PCDH7: variants seen among roughly 807,000 people sequenced by gnomAD.
PCDH7 encodes protocadherin-7.
A neutral mutation model predicts 58.9 loss-of-function variants in PCDH7; 17 were observed. The observed-to-expected ratio is 0.29, with a 90% CI of 0.20 to 0.43. The LOEUF is 0.43. Ranked by LOEUF, PCDH7 falls within the 20% of genes least tolerant of loss-of-function variation. The pLI is 1.00. For missense variants in PCDH7, 1,274 were observed against 1,441.0 expected (o/e 0.88, Z 1.88); for synonymous variants, 664 against 616.4 (o/e 1.08, Z -1.14).
chr4:30,986,607 A>G (rs907757398), intron 3 of PCDH7, among the ~76,000 whole-genome samples: 3 of 152,126 alleles, frequency 2.0e-5, no homozygotes, highest in South Asian at 2.1e-4. Context: ...TGGTTGAACA[A>G]TGACAAAGGT....
At chr4:30,854,657 A>G (rs1299404216) in intron 1 of PCDH7, among the ~76,000 whole-genome samples, 1 of 151,974 alleles carries the variant, frequency 6.6e-6, no homozygotes, top group Admixed American at 6.6e-5. Context: ...ATATGAAAAA[A>G]GGGTTTAAAA....
At chr4:30,730,442 T>G (rs1176541885) in intron 1 of PCDH7, among the ~76,000 whole-genome samples, 1 of 152,164 alleles carries the variant, frequency 6.6e-6, no homozygotes, top group Non-Finnish European at 1.5e-5. Flanking sequence ...ATCTTAATTA[T>G]CACTTCTGGT....
intron 3 of PCDH7, among the ~76,000 whole-genome samples, chr4:30,974,241 T>TC (rs1560546247): frequency 3.1e-5 from 4 of 127,182 alleles, no homozygotes; most frequent in African/African-American, 1.0e-4. Context: ...TCTTTTTCTT[T>TC]CTTTCTTCCT....
intron 3 of PCDH7, among the ~76,000 whole-genome samples, chr4:31,079,540 C>T (rs1759325343): frequency 6.6e-6 from 1 of 150,612 alleles, no homozygotes; most frequent in African/African-American, 2.4e-5. Context: ...GCACGTAATA[C>T]CAAGTATATG....
At chr4:30,865,956 C>T (rs1187797193) in intron 1 of PCDH7, among the ~76,000 whole-genome samples, 1 of 152,024 alleles carries the variant, frequency 6.6e-6, no homozygotes, top group Non-Finnish European at 1.5e-5. Context: ...GGGCATACTT[C>T]CGTGGAGTGG....
At chr4:31,073,698 A>G (rs1758747725) in intron 3 of PCDH7, among the ~76,000 whole-genome samples, 1 of 152,196 alleles carries the variant, frequency 6.6e-6, no homozygotes, top group South Asian at 2.1e-4. Context: ...AATGATGTAT[A>G]ATCATTACAT....
chr4:30,888,073 A>C (rs924428130), intron 1 of PCDH7, among the ~76,000 whole-genome samples: 2 of 152,002 alleles, frequency 1.3e-5, no homozygotes, highest in African/African-American at 4.8e-5. Flanking sequence ...ACGGGGTTTC[A>C]CCATGTTGGT....
intron 3 of PCDH7, among the ~76,000 whole-genome samples, chr4:30,965,508 A>C (rs1243119824): frequency 6.6e-6 from 1 of 151,958 alleles, no homozygotes; most frequent in Non-Finnish European, 1.5e-5. Flanking sequence ...CTTTTTCTTC[A>C]AGCTTTTCCC....
In PCDH7 at chr4:31,056,638, G is replaced by A. The variant is rs141956701; in HGVS notation, c.*8-85835G>A. Reference sequence around the variant, plus strand: ...GAGTGAAAGACAGAGAGAGAGAGGAGAGAGAGAGAGAAAGAGAGAGAGGAG... The same window carrying A: ...GAGTGAAAGACAGAGAGAGAGAGGAAAGAGAGAGAGAAAGAGAGAGAGGAG... On this transcript the variant is annotated intron_variant, in intron 3 of 3. Coordinates refer to the PCDH7 transcript ENST00000509759. 1.3e-4 allele frequency among the ~76,000 whole-genome samples: 19 copies of A among 148,256 alleles called. No individual in the cohort carries two copies. The East Asian group carries it at 3.9e-3, about 30-fold the overall frequency.
intron 3 of PCDH7, among the ~76,000 whole-genome samples, chr4:31,031,775 T>G (rs924146114): frequency 6.6e-6 from 1 of 152,218 alleles, no homozygotes; most frequent in East Asian, 1.9e-4. Context: ...ACTAACTCTT[T>G]AGAAGAATAT....
intron 2 of PCDH7, among the ~76,000 whole-genome samples, chr4:30,939,791 A>G (rs1230914529): frequency 6.6e-6 from 1 of 152,100 alleles, no homozygotes; most frequent in Non-Finnish European, 1.5e-5. Context: ...TGCCTTTGAC[A>G]TTTCTAATCA....
intron 1 of PCDH7, among the ~76,000 whole-genome samples, chr4:30,801,595 C>T (rs1307775889): frequency 6.6e-6 from 1 of 152,114 alleles, no homozygotes; most frequent in Non-Finnish European, 1.5e-5. Context: ...AGATATTACA[C>T]AAATTATCTT....
At chr4:30,805,386 T>C (rs942450808) in intron 1 of PCDH7, among the ~76,000 whole-genome samples, 4 of 152,204 alleles carry the variant, frequency 2.6e-5, no homozygotes, top group Admixed American at 2.0e-4. Context: ...GTCTGTACTT[T>C]AGTTTTCTCA....
chr4:31,067,426 G>T (rs1409132021), intron 3 of PCDH7, among the ~76,000 whole-genome samples: 1 of 148,034 alleles, frequency 6.8e-6, no homozygotes, highest in African/African-American at 2.5e-5. Flanking sequence ...CAGTATTTTA[G>T]TCTGGGATCT....
chr4:30,870,219 TC>T (rs1241143512), intron 1 of PCDH7, among the ~76,000 whole-genome samples: 2 of 152,164 alleles, frequency 1.3e-5, no homozygotes, highest in Non-Finnish European at 2.9e-5. Context: ...AAAAATTTTC[TC>T]CCATTCTGTA....
At chr4:31,120,639 C>T (rs1340587756) in intron 3 of PCDH7, among the ~76,000 whole-genome samples, 1 of 152,010 alleles carries the variant, frequency 6.6e-6, no homozygotes, top group Non-Finnish European at 1.5e-5. Context: ...TGCAGAATCT[C>T]ATTTGTTCGC....
At chr4:30,748,542 A>T (rs141161860) in intron 1 of PCDH7, among the ~76,000 whole-genome samples, 1 of 152,278 alleles carries the variant, frequency 6.6e-6, no homozygotes, top group Non-Finnish European at 1.5e-5. Context: ...TCCTGAGATA[A>T]CTAATCCACT....
intron 3 of PCDH7, among the ~76,000 whole-genome samples, chr4:31,109,238 T>C (rs1433657324): frequency 2.0e-5 from 3 of 152,196 alleles, no homozygotes; most frequent in African/African-American, 7.2e-5. Context: ...GCAAAGTCAC[T>C]TTGCAAAATA....
intron 1 of PCDH7, among the ~76,000 whole-genome samples, chr4:30,809,608 A>G (rs1726717079): frequency 6.6e-6 from 1 of 152,208 alleles, no homozygotes; most frequent in Non-Finnish European, 1.5e-5. Context: ...GTCCACCTAA[A>G]TAATAAAATA....
Sources: gnomAD v4.1 joint callset for allele counts (sites outside exome capture counted in the v4.1 genomes callset) on GRCh38, gnomAD v4.1.1 for gene constraint, MANE v1.5 for transcripts, NCBI Gene and HGNC (gene_info 2026-07-23, HGNC 2026-07-21) for gene names.